Variants in SBF2 observed in about 807,000 individuals in gnomAD.
SBF2 encodes the protein SET binding factor 2.
A neutral mutation model predicts 225.2 loss-of-function variants in SBF2; 112 were observed. The observed-to-expected ratio is 0.50, with a 90% CI of 0.43 to 0.58. The LOEUF (loss-of-function observed/expected upper bound fraction) is 0.58. Ranked by LOEUF, SBF2 falls within the 20% of genes least tolerant of loss-of-function variation. The pLI is 0.00. For missense variants in SBF2, 1,996 were observed against 2,206.2 expected (o/e 0.90, Z 1.91); for synonymous variants, 763 against 773.3 (o/e 0.99, Z 0.22).
Position 9,920,204 on chromosome 11 carries a change from G to GTGTGTGTA in SBF2, c.1861-24194_1861-24193insTACACACA, listed in dbSNP as rs544312611. On this transcript the variant is annotated intron_variant, in intron 16 of 39. Transcript: ENST00000256190. ...TATATGTGTGTGTGTGTGTGTGTGT[G>GTGTGTGTA]TATATATATATATATACACACACAT... Among the ~76,000 whole-genome samples the GTGTGTGTA allele has an allele frequency of 1.6e-3, 182 of 115,262 alleles. 1 individual carries two copies. The highest frequency in any genetic ancestry group is 5.0e-3 in the African/African-American group (175 of 35,138). 75.6% of individuals were successfully genotyped at this position (115,262 alleles called of 152,430 possible).
Position 10,180,102 on chromosome 11 carries a change from T to C in SBF2, c.141+13800A>G, listed in dbSNP as rs147116010. ...CCTTGTGGTTTTTATTTTTTATTGG[T>C]TCATCTTTTAGTCTTTCTATTTAAG... On this transcript the variant is annotated intron_variant, in intron 2 of 39. Coordinates refer to ENST00000256190, the MANE Select transcript of SBF2 (RefSeq NM_030962.4). Among the ~76,000 whole-genome samples, 831 of 152,308 alleles carry C rather than the reference T, an allele frequency of 5.5e-3. 2 individuals carry two copies. The highest frequency in any genetic ancestry group is 0.031 in the Middle Eastern group (9 of 294).
intron 2 of SBF2, among the ~76,000 whole-genome samples, chr11:10,127,727 G>T (rs889548321): frequency 1.3e-5 from 2 of 152,162 alleles, no homozygotes; most frequent in African/African-American, 4.8e-5. Flanking sequence ...TTAAGAGATA[G>T]GGATTTTGGT....
At chr11:9,840,951 T>A (rs1341846623) in intron 25 of SBF2, among the ~76,000 whole-genome samples, 1 of 151,574 alleles carries the variant, frequency 6.6e-6, no homozygotes, top group African/African-American at 2.4e-5. Context: ...TGGTACTGCA[T>A]GTTCTAACTG....
intron 9 of SBF2, among the ~76,000 whole-genome samples, chr11:9,996,594 T>A (rs1314550821): frequency 6.6e-6 from 1 of 151,976 alleles, no homozygotes; most frequent in Non-Finnish European, 1.5e-5. Flanking sequence ...TTTCACCATG[T>A]TGGACAGGCT....
At chr11:10,202,544 G>C (rs1454087870) in intron 1 of SBF2, among the ~76,000 whole-genome samples, 2 of 152,238 alleles carry the variant, frequency 1.3e-5, no homozygotes, top group African/African-American at 4.8e-5. Flanking sequence ...CCAGCACTTT[G>C]GGAGGCCGAG....
At chr11:10,278,801 A>G (rs1022296195) in intron 1 of SBF2, among the ~76,000 whole-genome samples, 4 of 151,698 alleles carry the variant, frequency 2.6e-5, no homozygotes, top group Admixed American at 6.6e-5. Context: ...AAAAAAAAAA[A>G]AAAGAAATAC....
chr11:10,133,490 T>C (rs56271002), intron 2 of SBF2, among the ~76,000 whole-genome samples: 13,285 of 115,680 alleles, frequency 0.11, 1,728 homozygotes, highest in Non-Finnish European at 0.17. Context: ...TCGAACGCAG[T>C]GCCGGTGGGC....
chr11:10,143,623 G>C (rs1328001920), intron 2 of SBF2, among the ~76,000 whole-genome samples: 2 of 152,126 alleles, frequency 1.3e-5, no homozygotes, highest in Non-Finnish European at 2.9e-5. Context: ...ATATCAGTAA[G>C]ATGTCATGTC....
intron 1 of SBF2, among the ~76,000 whole-genome samples, chr11:10,287,948 GGGTGGGCAGCTCCAGGTGCT>G (rs1459700494): frequency 6.6e-6 from 1 of 152,226 alleles, no homozygotes; most frequent in Non-Finnish European, 1.5e-5. Flanking sequence ...TGCTGCCACA[GGGTGGGCAGCTCCAGGTGCT>G]GGCATAAGTG....
chr11:10,089,464 C>T (rs539907383), intron 2 of SBF2, among the ~76,000 whole-genome samples: 6 of 152,286 alleles, frequency 3.9e-5, no homozygotes, highest in African/African-American at 1.4e-4. Context: ...CATTTTCCAA[C>T]TATTCATCAA....
intron 2 of SBF2, among the ~76,000 whole-genome samples, chr11:10,148,749 C>CA (rs57160066): frequency 0.015 from 2,027 of 139,072 alleles, 38 homozygotes; most frequent in African/African-American, 0.043. Context: ...TTTAGAAATG[C>CA]AAAAAAAAAA....
chr11:9,880,443 T>C (rs919681618), intron 17 of SBF2, among the ~76,000 whole-genome samples: 1 of 152,226 alleles, frequency 6.6e-6, no homozygotes, highest in Non-Finnish European at 1.5e-5. Context: ...GGCTGCCCCT[T>C]AGATGGGACA....
At chr11:10,030,485 A>G (rs896656975) in intron 4 of SBF2, among the ~76,000 whole-genome samples, 1 of 152,194 alleles carries the variant, frequency 6.6e-6, no homozygotes, top group Non-Finnish European at 1.5e-5. Context: ...CTTTTATAAC[A>G]CAAATAATCT....
At chr11:9,862,896 C>T (rs778639643) in intron 17 of SBF2, among the ~76,000 whole-genome samples, 2 of 152,054 alleles carry the variant, frequency 1.3e-5, no homozygotes, top group African/African-American at 4.8e-5. Flanking sequence ...TTAACTCATA[C>T]TGAGGGTGTG....
rs530540153 is a variant in SBF2, at chr11:9,920,075, T to C, written c.1861-24064A>G. On this transcript the variant is annotated intron_variant, in intron 16 of 39. Transcript: ENST00000256190. ...ACTTACTTATTTCTTATCTTATATA[T>C]ACCTCTAGTCCAAAGAAATAGAAAT... Among the ~76,000 whole-genome samples, 5 of 152,140 alleles carry C rather than the reference T, an allele frequency of 3.3e-5. No homozygotes were observed. The South Asian group carries it at 1.0e-3, about 32-fold the overall frequency.
rs140673354 is a variant in SBF2, at chr11:10,187,577, A to G, written c.141+6325T>C. 1.9e-3 allele frequency among the ~76,000 whole-genome samples: 285 copies of G among 151,548 alleles called. 1 individual carries two copies. The highest frequency in any genetic ancestry group is 3.4e-3 in the Non-Finnish European group (229 of 67,910). On this transcript the variant is annotated intron_variant, in intron 2 of 39. Transcript: ENST00000256190. ...GAATGCTTTGTGCCTCTTCCCCCCA[A>G]TGAGCTTTGGAATAAACTCACTTTT... is the stretch of plus-strand genomic sequence containing the variant.
rs551740301 is a variant in SBF2 at position 10,011,059 on chromosome 11, GC to G, written c.620-8371del. Among the ~76,000 whole-genome samples, 292 of 152,218 alleles carry G rather than the reference GC, an allele frequency of 1.9e-3. 3 individuals are homozygous for G. Among genetic ancestry groups the G allele is most frequent in the Non-Finnish European group, 1.9e-3 (129 of 68,010 alleles). ...TTGTCTATTAGTGGTGTATAGGAAT[GC>G]TTGAGATTCCTTTATGCTTTTTTAA... On this transcript the variant is annotated intron_variant, in intron 6 of 39. Coordinates refer to ENST00000256190, the MANE Select transcript of SBF2 (RefSeq NM_030962.4).
chr11:10,279,595 T>C (rs1160785670), intron 1 of SBF2, among the ~76,000 whole-genome samples: 1 of 152,180 alleles, frequency 6.6e-6, no homozygotes, highest in Non-Finnish European at 1.5e-5. Context: ...TTCTATTATA[T>C]GCCTACGTGA....
intron 2 of SBF2, among the ~76,000 whole-genome samples, chr11:10,141,207 A>G (rs974567882): frequency 1.3e-5 from 2 of 152,174 alleles, no homozygotes; most frequent in African/African-American, 2.4e-5. Context: ...GGTTTATAAC[A>G]GTGTTTCTCG....
Sources: gnomAD v4.1 joint callset for allele counts (sites outside exome capture counted in the v4.1 genomes callset) on GRCh38, gnomAD v4.1.1 for gene constraint, MANE v1.5 for transcripts, NCBI Gene and HGNC (gene_info 2026-07-23, HGNC 2026-07-21) for gene names.